The following TNS3 variants were observed in gnomAD, a reference collection of about 807,000 sequenced individuals.
TNS3 encodes the protein tensin 3.
A neutral mutation model predicts 140.9 loss-of-function variants in TNS3; 45 were observed. That is an observed-to-expected ratio of 0.32 (90% CI 0.25 to 0.41). The LOEUF is 0.41. TNS3 is among the 10% of genes least tolerant of loss of function. The probability of loss-of-function intolerance (pLI) is 1.00; values close to 1 mark genes in which losing one functional copy is unlikely to be tolerated. For missense variants in TNS3, 1,716 were observed against 1,906.7 expected (o/e 0.90, Z 1.86); for synonymous variants, 815 against 788.4 (o/e 1.03, Z -0.56).
At chr7:47,574,096 G>A (rs1038483614) in intron 1 of TNS3, among the ~76,000 whole-genome samples, 7 of 152,130 alleles carry the variant, frequency 4.6e-5, no homozygotes, top group African/African-American at 7.2e-5. Flanking sequence ...AAAAGCAGCC[G>A]AGGAAACCCT....
Position 47,368,827 on chromosome 7 carries a change from C to T in TNS3, c.1819G>A (p.Gly607Arg). The T allele has an allele frequency of 6.2e-7, 1 of 1,612,800 alleles. No homozygotes were observed. Among genetic ancestry groups the T allele is most frequent in the Non-Finnish European group, 8.5e-7 (1 of 1,179,666 alleles). ...VAHQYSFAPD[G>R]EARLVSRCPA... ...CAGCGGCTCACCAGCCGGGCCTCCCCATCTGGGGCGAAGCTATACTGGTGA... is the reference window on the plus strand; with the variant it reads ...CAGCGGCTCACCAGCCGGGCCTCCCTATCTGGGGCGAAGCTATACTGGTGA... Residue 607 changes from glycine to arginine, a missense_variant, in exon 17 of 31, where the codon GGG (glycine) becomes AGG (arginine). Coordinates refer to ENST00000311160, the MANE Select transcript of TNS3 (RefSeq NM_022748.12).
At chr7:47,357,578 A>G (rs892776618) in intron 17 of TNS3, among the ~76,000 whole-genome samples, 3 of 152,188 alleles carry the variant, frequency 2.0e-5, no homozygotes, top group Non-Finnish European at 4.4e-5. Context: ...CACAACTTGC[A>G]GTTTTTTACA....
intron 20 of TNS3, among the ~76,000 whole-genome samples, chr7:47,325,455 G>A (rs552515857): frequency 3.3e-5 from 5 of 152,278 alleles, no homozygotes; most frequent in African/African-American, 1.2e-4. Context: ...GCTCAAGGAA[G>A]GCCACAGGCC....
intron 27 of TNS3, among the ~76,000 whole-genome samples, chr7:47,287,856 G>A (rs1584317860): frequency 6.6e-6 from 1 of 152,164 alleles, no homozygotes; most frequent in Non-Finnish European, 1.5e-5. Flanking sequence ...CAAACTCCAA[G>A]TTCTGAATGA....
At chr7:47,328,624 C>CT (rs1309188784) in intron 20 of TNS3, among the ~76,000 whole-genome samples, 1 of 152,176 alleles carries the variant, frequency 6.6e-6, no homozygotes, top group Non-Finnish European at 1.5e-5. Context: ...AGTCAGTCCT[C>CT]TGCCCCCCAC....
At chr7:47,427,294 G>A (rs533741148) in intron 9 of TNS3, among the ~76,000 whole-genome samples, 60 of 152,254 alleles carry the variant, frequency 3.9e-4, no homozygotes, top group Admixed American at 1.2e-3. Flanking sequence ...CTCACCAAGA[G>A]GGTATCTGAT....
intron 28 of TNS3, among the ~76,000 whole-genome samples, chr7:47,281,812 G>A (rs7778157): frequency 0.38 from 57,256 of 151,740 alleles, 11,248 homozygotes; most frequent in Non-Finnish European, 0.44. Flanking sequence ...GCAGGGAGGA[G>A]GGAACAGTCA....
intron 17 of TNS3, among the ~76,000 whole-genome samples, chr7:47,357,396 T>G (rs895261346): frequency 1.3e-5 from 2 of 152,060 alleles, no homozygotes; most frequent in African/African-American, 4.8e-5. Flanking sequence ...ACACACACAC[T>G]AATCTTTTCG....
At chr7:47,408,442 C>A (rs1269689439) in intron 13 of TNS3, among the ~76,000 whole-genome samples, 2 of 151,826 alleles carry the variant, frequency 1.3e-5, no homozygotes, top group African/African-American at 2.4e-5. Flanking sequence ...GACGCAGCAC[C>A]ATGGGGAGAG....
chr7:47,367,290 G>T (rs937211732), intron 17 of TNS3, among the ~76,000 whole-genome samples: 19 of 152,160 alleles, frequency 1.2e-4, no homozygotes, highest in African/African-American at 4.6e-4. Flanking sequence ...CCGTCCCAAT[G>T]CCCCTCTCTG....
intron 1 of TNS3, among the ~76,000 whole-genome samples, chr7:47,575,596 A>G (rs1229830086): frequency 3.9e-5 from 6 of 152,086 alleles, no homozygotes; most frequent in African/African-American, 1.4e-4. Context: ...AGGGCGGATC[A>G]TGAGGTCAGG....
intron 3 of TNS3, among the ~76,000 whole-genome samples, chr7:47,498,401 C>T (rs1584775003): frequency 6.6e-6 from 1 of 152,270 alleles, no homozygotes; most frequent in Middle Eastern, 3.4e-3. Flanking sequence ...AGCCTCCTGC[C>T]CAGGACACAG....
chr7:47,372,354 CA>C (rs1490142271), intron 16 of TNS3, among the ~76,000 whole-genome samples: 1 of 151,818 alleles, frequency 6.6e-6, no homozygotes, highest in Non-Finnish European at 1.5e-5. Context: ...TAAATTGGCA[CA>C]ATGACTTAAA....
chr7:47,278,538 G>A (rs1445215349), intron 30 of TNS3: 3 of 250,386 alleles, frequency 1.2e-5, no homozygotes, highest in Non-Finnish European at 2.3e-5. Context: ...CCCCACGCCA[G>A]GGCCAGAATC....
intron 20 of TNS3, among the ~76,000 whole-genome samples, chr7:47,310,578 G>A (rs1360389421): frequency 6.6e-6 from 1 of 152,040 alleles, no homozygotes; most frequent in Admixed American, 6.5e-5. Context: ...CAGGAAACAT[G>A]ACAAATGAAA....
chr7:47,541,925 G>C (rs889636816), intron 1 of TNS3, among the ~76,000 whole-genome samples: 2 of 150,452 alleles, frequency 1.3e-5, no homozygotes, highest in African/African-American at 5.0e-5. Flanking sequence ...CTCCAGTGTG[G>C]GCAACAGAGC....
At chr7:47,518,182 A>G (rs538929040) in intron 2 of TNS3, among the ~76,000 whole-genome samples, 1 of 152,266 alleles carries the variant, frequency 6.6e-6, no homozygotes, top group East Asian at 1.9e-4. Context: ...AAGGGAAGTT[A>G]AACCCTCCAG....
intron 20 of TNS3, among the ~76,000 whole-genome samples, chr7:47,323,472 G>T (rs548021918): frequency 2.6e-5 from 4 of 152,302 alleles, no homozygotes; most frequent in South Asian, 2.1e-4. Flanking sequence ...ATGGCCAAAG[G>T]AAATTTTCTA....
Position 47,369,562 on chromosome 7 carries a change from A to T in TNS3, c.1084T>A (p.Ser362Thr). 1 of 1,611,146 alleles carries T rather than the reference A, an allele frequency of 6.2e-7. No individual in the cohort carries two copies. Among genetic ancestry groups the T allele is most frequent in the Non-Finnish European group, 8.5e-7 (1 of 1,178,420 alleles). Residue 362 changes from serine (S) to threonine (T), a missense_variant, in exon 17 of 31, where the codon TCC becomes ACC. Ser to Thr is a moderately conservative substitution (Grantham distance 58). Coordinates refer to ENST00000311160, the MANE Select transcript of TNS3 (RefSeq NM_022748.12). The stretch of plus-strand genomic sequence containing the variant: ...CCACCTGGGATGCCAGGATCCGAGG[A>T]GCTTTTCTTCCTCACCTTCGCGTAA... ...SLYAKVRKKSSSDPGIPGGPQ... is the reference protein window; with the variant it reads ...SLYAKVRKKSTSDPGIPGGPQ...
Sources: gnomAD v4.1 joint callset for allele counts (sites outside exome capture counted in the v4.1 genomes callset) on GRCh38, gnomAD v4.1.1 for gene constraint, MANE v1.5 for transcripts, NCBI Gene and HGNC (gene_info 2026-07-23, HGNC 2026-07-21) for gene names.